The following TAF3 variants were observed in gnomAD, a reference collection of about 807,000 sequenced individuals.
TAF3 encodes TATA-box binding protein associated factor 3, also known as transcription initiation factor TFIID subunit 3.
TAF3 carries 7 observed loss-of-function variants against 80.6 expected under a neutral mutation model. That is an observed-to-expected ratio of 0.09 (90% CI 0.05 to 0.16). The LOEUF (loss-of-function observed/expected upper bound fraction) is 0.16. Ranked by LOEUF, TAF3 falls within the 10% of genes least tolerant of loss-of-function variation. TAF3 has a pLI of 1.00. For synonymous variants in TAF3, 444 were observed against 446.1 expected (o/e 1.00, Z 0.06); for missense variants, 921 against 1,140.2 (o/e 0.81, Z 2.77).
chr10:7,889,754 T>A (rs1224584101), intron 2 of TAF3, among the ~76,000 whole-genome samples: 2 of 152,226 alleles, frequency 1.3e-5, no homozygotes, highest in African/African-American at 4.8e-5. Flanking sequence ...TCGTCTTGTG[T>A]CTTGTTTCTT....
intron 3 of TAF3, among the ~76,000 whole-genome samples, chr10:7,968,539 TAA>T (rs1415063513): frequency 1.3e-5 from 2 of 152,200 alleles, no homozygotes; most frequent in Non-Finnish European, 2.9e-5. Context: ...GAAATAATGA[TAA>T]GAACACTAAA....
chr10:7,955,292 C>CT (rs1838124533), intron 2 of TAF3, among the ~76,000 whole-genome samples: 1 of 152,162 alleles, frequency 6.6e-6, no homozygotes, highest in African/African-American at 2.4e-5. Context: ...CATGTATGGA[C>CT]TAATAGGAAA....
In TAF3 at chr10:8,009,401, A is replaced by G. The variant is rs970413436; in HGVS notation, c.2568+71A>G. On this transcript the variant is annotated intron_variant, in intron 5 of 6. Coordinates refer to ENST00000344293, the MANE Select transcript of TAF3 (RefSeq NM_031923.4). The surrounding 1 kb of genome is among the most constrained non-coding windows in gnomAD (Gnocchi z 4.1). Reference sequence around the variant, plus strand: ...TCGAGACAAGTGTGTGCTCTGAATCACTATCGAATTTCAGACGCATTTCTC... The same window carrying G: ...TCGAGACAAGTGTGTGCTCTGAATCGCTATCGAATTTCAGACGCATTTCTC... The G allele has an allele frequency of 4.0e-6, 6 of 1,492,302 alleles. No homozygotes were observed. The African/African-American group carries it at 8.9e-5, about 22-fold the overall frequency. 92.4% of individuals were successfully genotyped at this position (1,492,302 alleles called of 1,614,324 possible).
intron 2 of TAF3, among the ~76,000 whole-genome samples, chr10:7,870,752 C>G (rs1203048445): frequency 6.6e-6 from 1 of 152,056 alleles, no homozygotes; most frequent in Non-Finnish European, 1.5e-5. Flanking sequence ...ATGCCTGCCC[C>G]CACTTAACAT....
At chr10:7,867,253 T>A (rs900672493) in intron 2 of TAF3, among the ~76,000 whole-genome samples, 1 of 150,710 alleles carries the variant, frequency 6.6e-6, no homozygotes, top group East Asian at 1.9e-4. Flanking sequence ...AGTGAGACTG[T>A]CACACACACA....
At chr10:7,996,834 C>A (rs1232618781) in intron 4 of TAF3, among the ~76,000 whole-genome samples, 6 of 143,108 alleles carry the variant, frequency 4.2e-5, no homozygotes, top group African/African-American at 1.6e-4. Context: ...CACGCACCAC[C>A]ACACTCTATT....
chr10:7,912,424 GAAAC>G lies in TAF3; in HGVS notation c.410-51493_410-51490del, dbSNP rs541302157. 2.1e-4 allele frequency among the ~76,000 whole-genome samples: 32 copies of G among 152,108 alleles called. No homozygotes were observed. The South Asian group carries it at 6.4e-3, about 31-fold the overall frequency. The stretch of plus-strand genomic sequence containing the variant: ...CAAAAATGATAGTTTTTATGGGTAA[GAAAC>G]AACATGGAATAGTGGAAAAGATAAT... On this transcript the variant is annotated intron_variant, in intron 2 of 6. Transcript: ENST00000344293.
At chr10:7,966,330 C>T (rs1831571214) in intron 3 of TAF3, among the ~76,000 whole-genome samples, 1 of 152,206 alleles carries the variant, frequency 6.6e-6, no homozygotes, top group Non-Finnish European at 1.5e-5. Flanking sequence ...AGTATCTAGG[C>T]TGATCTGGCA....
intron 2 of TAF3, among the ~76,000 whole-genome samples, chr10:7,947,701 G>A (rs1838039505): frequency 1.3e-5 from 2 of 152,196 alleles, no homozygotes; most frequent in South Asian, 4.1e-4. Context: ...GATGAAGGCA[G>A]CTAAGAAGGA....
intron 2 of TAF3, among the ~76,000 whole-genome samples, chr10:7,830,562 C>T (rs1334184002): frequency 1.5e-5 from 2 of 132,526 alleles, no homozygotes; most frequent in Non-Finnish European, 1.5e-5. Context: ...CGGCTCACTG[C>T]AAACTCCACC....
chr10:7,975,990 A>G (rs1430314570), intron 3 of TAF3, among the ~76,000 whole-genome samples: 2 of 152,124 alleles, frequency 1.3e-5, no homozygotes, highest in Non-Finnish European at 2.9e-5. Context: ...CCAATCCTAC[A>G]GCCCCACCGA....
intron 1 of TAF3, 69 bp downstream of exon 1, chr10:7,818,944 C>G: frequency 3.8e-6 from 5 of 1,318,958 alleles, no homozygotes; most frequent in Non-Finnish European, 4.9e-6. Context: ...CTCTCCCTGT[C>G]CCTCCGCGTC....
At chr10:8,005,129 G>A (rs1311816654) in intron 4 of TAF3, among the ~76,000 whole-genome samples, 3 of 151,826 alleles carry the variant, frequency 2.0e-5, no homozygotes, top group East Asian at 1.9e-4. Context: ...GACTTCCTAC[G>A]ACCTATATTT....
At chr10:7,945,668 C>T (rs1838017944) in intron 2 of TAF3, among the ~76,000 whole-genome samples, 1 of 152,184 alleles carries the variant, frequency 6.6e-6, no homozygotes, top group Non-Finnish European at 1.5e-5. Flanking sequence ...AGGGTGTGCC[C>T]TTGCTCCTCT....
intron 2 of TAF3, among the ~76,000 whole-genome samples, chr10:7,902,359 G>A (rs1837566155): frequency 2.0e-5 from 3 of 152,042 alleles, no homozygotes; most frequent in African/African-American, 4.8e-5. Context: ...GGAGGTAGAG[G>A]TTTCTGTGAG....
chr10:7,881,043 C>T (rs1310268493), intron 2 of TAF3, among the ~76,000 whole-genome samples: 1 of 152,088 alleles, frequency 6.6e-6, no homozygotes, highest in African/African-American at 2.4e-5. Flanking sequence ...GGAGACCAGC[C>T]TGGGCACCAT....
At position 7,824,406 on chromosome 10, in the gene TAF3, C is replaced by G. The variant is rs1311326865; in HGVS notation, c.255C>G (p.His85Gln). 6.2e-7 allele frequency: 1 copy of G among 1,614,144 alleles called. No homozygotes were observed. The highest frequency in any genetic ancestry group is 8.5e-7 in the Non-Finnish European group (1 of 1,180,020). The change falls in exon 2 of 7, where the codon CAC (histidine) becomes CAG (glutamine). Residue 85 changes from histidine to glutamine, a missense_variant. Physicochemically the swap from His to Gln is conservative, Grantham distance 24. Transcript: ENST00000344293. ...VSLHELEDYIHNIEPVTFPHQ... is the reference protein window; with the variant it reads ...VSLHELEDYIQNIEPVTFPHQ... ...TACATGAACTAGAAGACTATATTCA[C>G]AACATTGAGCCTGTCACCTTCCCAC... is the stretch of plus-strand genomic sequence containing the variant.
chr10:7,948,153 C>T (rs1364863455), intron 2 of TAF3, among the ~76,000 whole-genome samples: 1 of 151,552 alleles, frequency 6.6e-6, no homozygotes, highest in Admixed American at 6.6e-5. Context: ...ACCTCGAACT[C>T]TTAGGTTCAA....
intron 4 of TAF3, among the ~76,000 whole-genome samples, chr10:7,995,437 G>A (rs1831878679): frequency 6.6e-6 from 1 of 152,090 alleles, no homozygotes; most frequent in Non-Finnish European, 1.5e-5. Flanking sequence ...TCTATAGGTT[G>A]CCATTTTGGT....
Sources: allele counts gnomAD v4.1 joint callset (sites outside exome capture counted in the v4.1 genomes callset), GRCh38; gene constraint gnomAD v4.1.1; non-coding constraint Gnocchi (gnomAD v3.1); transcripts MANE v1.5; gene names NCBI Gene and HGNC (gene_info 2026-07-23, HGNC 2026-07-21).